ABCA8: variants seen among roughly 807,000 people sequenced by gnomAD.
ABCA8 encodes the protein ABC-type organic anion transporter ABCA8.
A neutral mutation model predicts 192.3 loss-of-function variants in ABCA8; 177 were observed. The observed-to-expected ratio is 0.92, with a 90% CI of 0.81 to 1.04. The LOEUF (loss-of-function observed/expected upper bound fraction) is 1.04, where lower values mean the gene tolerates loss of function less well. Among genes scored for constraint, ABCA8 ranks in the 50% least tolerant of loss-of-function variants. The probability of loss-of-function intolerance (pLI) is 0.00; values close to 1 mark genes in which losing one functional copy is unlikely to be tolerated. For synonymous variants in ABCA8, 642 were observed against 690.2 expected (o/e 0.93, Z 1.09); for missense variants, 1,915 against 1,904.8 (o/e 1.01, Z -0.10).
intron 24 of ABCA8, among the ~76,000 whole-genome samples, chr17:68,887,917 T>TAATATATGG (rs2066520809): frequency 2.1e-5 from 1 of 48,578 alleles, no homozygotes; most frequent in Non-Finnish European, 3.2e-5. Flanking sequence ...TCCATATATA[T>TAATATATGG]ATATATATTA....
At chr17:68,942,065 T>A in intron 2 of ABCA8, 26 bp from the exon 3 acceptor site, 1 of 1,510,834 alleles carries the variant, frequency 6.6e-7, no homozygotes, top group Non-Finnish European at 9.1e-7. Context: ...AGAAAGAAGA[T>A]AAAATTAATA....
At position 68,877,638 on chromosome 17, in the gene ABCA8, G is replaced by A; in HGVS notation, c.4080C>T (p.Phe1360=). Residue 1360 remains phenylalanine, a synonymous_variant, in exon 33 of 40, where the codon TTC becomes TTT. Coordinates refer to ENST00000586539, the MANE Select transcript of ABCA8 (RefSeq NM_001288985.2). ...KGSGGGDALE[F]LGYCPQENAL... ...CGTTCTCCTGAGGGCAGTACCCCAG[G>A]AACTCCAGGGCATCCCCTCCACCGC... 6.2e-7 allele frequency: 1 copy of A among 1,613,850 alleles called. No homozygotes were observed. Among genetic ancestry groups the A allele is most frequent in the Non-Finnish European group, 8.5e-7 (1 of 1,179,834 alleles).
rs1239069950 is a variant in ABCA8, at chr17:68,907,775, T to C, written c.2243A>G (p.Tyr748Cys). 2 of 1,607,932 alleles carry C rather than the reference T, an allele frequency of 1.2e-6. No homozygotes were observed. Among genetic ancestry groups the C allele is most frequent in the Non-Finnish European group, 1.7e-6 (2 of 1,177,516 alleles). ...LSAKSEGKLI[Y>C]TLPLERTNKF... The stretch of plus-strand genomic sequence containing the variant: ...ATTTGTTCTTTCTAAGGGTAATGTA[T>C]AAATAAGTTTTCCTTCGCTTTTGGC... The change falls in exon 18 of 40, where the codon TAT becomes TGT. Residue 748 changes from tyrosine to cysteine, a missense_variant. Physicochemically the swap from Tyr to Cys is radical, Grantham distance 194. Coordinates refer to ENST00000586539, the MANE Select transcript of ABCA8 (RefSeq NM_001288985.2).
chr17:68,877,808 G>A, intron 32 of ABCA8, 129 bp from the exon 33 acceptor site: 1 of 990,782 alleles, frequency 1.0e-6, no homozygotes, highest in Non-Finnish European at 1.4e-6. Context: ...TTAATAATCT[G>A]TAATCATTTT....
chr17:68,902,993 C>T (rs1042516749), intron 20 of ABCA8, 114 bp from the exon 21 acceptor site: 11 of 935,584 alleles, frequency 1.2e-5, no homozygotes, highest in Non-Finnish European at 1.6e-5. Context: ...ACACAATTAA[C>T]TGTCACATTT....
At chr17:68,917,560 T>C in intron 16 of ABCA8, 109 bp from the exon 17 acceptor site, 1 of 719,114 alleles carries the variant, frequency 1.4e-6, no homozygotes, top group Non-Finnish European at 2.3e-6. Context: ...CAGGAGCTTC[T>C]AAGGTTTTAA....
At chr17:68,922,213 T>TACA in intron 12 of ABCA8, 29 bp downstream of exon 12, 1 of 94,594 alleles carries the variant, frequency 1.1e-5, no homozygotes. Context: ...TTTTTTTTTT[T>TACA]TTTTTTTTTT....
chr17:68,942,182 T>C, intron 2 of ABCA8, 143 bp from the exon 3 acceptor site: 1 of 622,556 alleles, frequency 1.6e-6, no homozygotes, highest in Non-Finnish European at 2.8e-6. Flanking sequence ...CAAGTCAGCA[T>C]TGTATTACTC....
At chr17:68,920,763 G>T (rs8068633) in intron 13 of ABCA8, among the ~76,000 whole-genome samples, 70,194 of 151,618 alleles carry the variant, frequency 0.46, 17,797 homozygotes, top group Non-Finnish European at 0.58. Flanking sequence ...GACTGTAAAC[G>T]AGTTCAACCA....
chr17:68,932,264 T>C (rs2067915229), intron 7 of ABCA8, 24 bp downstream of exon 7: 3 of 1,550,278 alleles, frequency 1.9e-6, no homozygotes, highest in Non-Finnish European at 2.6e-6. Context: ...CTCCGTTTAT[T>C]TATTTGTGCT....
intron 17 of ABCA8, among the ~76,000 whole-genome samples, chr17:68,914,408 C>T (rs536924540): frequency 7.2e-5 from 11 of 152,074 alleles, no homozygotes; most frequent in Admixed American, 4.6e-4. Flanking sequence ...AAAAACTACA[C>T]CAAAATGCTA....
rs2068508578 is a variant in ABCA8 at position 68,949,464 on chromosome 17, T to C, written c.-158A>G. 1 of 152,162 alleles carries C rather than the reference T, an allele frequency of 6.6e-6. No homozygotes were observed. The highest frequency in any genetic ancestry group is 1.5e-5 in the Non-Finnish European group (1 of 68,024). 9.4% of individuals were successfully genotyped at this position (152,162 alleles called of 1,614,324 possible). On this transcript the variant is annotated 5_prime_UTR_variant, in exon 2 of 40. Coordinates refer to ENST00000586539, the MANE Select transcript of ABCA8 (RefSeq NM_001288985.2). ...CATTATGAGGCCAACATCATCCTGC[T>C]ACCAAAACCTGGCAGAGACACAACA...
chr17:68,927,393 G>A (rs536054523), intron 10 of ABCA8, among the ~76,000 whole-genome samples: 14 of 152,292 alleles, frequency 9.2e-5, no homozygotes, highest in African/African-American at 3.4e-4. Context: ...GTTGCAAGGT[G>A]ATACAAATGA....
Position 68,927,904 on chromosome 17 carries a change from A to G in ABCA8, c.1273+12T>C, listed in dbSNP as rs776852564. The G allele has an allele frequency of 3.8e-6, 6 of 1,574,426 alleles. No individual in the cohort carries two copies. In the South Asian group the frequency reaches 7.0e-5, roughly 18 times the overall value. On this transcript the variant is annotated intron_variant, in intron 10 of 39. Transcript: ENST00000586539. ...TTAAATGATATATGATTTTAATCAT[A>G]TCATTACTCACTTGGCAAAATTTTT... is the stretch of plus-strand genomic sequence containing the variant.
At chr17:68,927,210 A>G (rs375197172) in intron 10 of ABCA8, among the ~76,000 whole-genome samples, 1 of 152,104 alleles carries the variant, frequency 6.6e-6, no homozygotes, top group Non-Finnish European at 1.5e-5. Context: ...GTGAGCCGAG[A>G]TTGTGCCACT....
rs1290202195 is a variant in ABCA8 at position 68,907,782 on chromosome 17, G to A, written c.2236C>T (p.Leu746Phe). 1.2e-6 allele frequency: 2 copies of A among 1,606,732 alleles called. No homozygotes were observed. The highest frequency in any genetic ancestry group is 1.3e-5 in the African/African-American group (1 of 74,556). ...AKLSAKSEGK[L>F]IYTLPLERTN... ...CTTTCTAAGGGTAATGTATAAATAA[G>A]TTTTCCTTCGCTTTTGGCTGATAAT... Residue 746 changes from leucine (L) to phenylalanine (F), a missense_variant, in exon 18 of 40, where the codon CTT becomes TTT. By Grantham distance (22) the Leu-to-Phe change is conservative (BLOSUM62 0). Transcript: ENST00000586539.
At chr17:68,938,247 T>C (rs2068126065) in intron 4 of ABCA8, among the ~76,000 whole-genome samples, 1 of 151,840 alleles carries the variant, frequency 6.6e-6, no homozygotes. Flanking sequence ...TTGGAAAGCA[T>C]ATTTTGGATA....
At position 68,930,840 on chromosome 17, in the gene ABCA8, T is replaced by C. The variant is rs546287670; in HGVS notation, c.798-1138A>G. On this transcript the variant is annotated intron_variant, in intron 7 of 39. Transcript: ENST00000586539. ...GAAGGAACTCTTCCAGACTCCTAAT[T>C]TGTTGCCCTATGCACAGCCCATCTG... 1.1e-3 allele frequency among the ~76,000 whole-genome samples: 169 copies of C among 152,302 alleles called. 3 individuals carry two copies. Among genetic ancestry groups the C allele is most frequent in the Admixed American group, 3.9e-4 (6 of 15,288 alleles).
intron 25 of ABCA8, 88 bp from the exon 26 acceptor site, chr17:68,887,218 A>G (rs1043210353): frequency 1.5e-6 from 2 of 1,355,180 alleles, no homozygotes; most frequent in African/African-American, 3.0e-5. Context: ...ATAGCCCAGG[A>G]TTTTATAGTT....
Sources: allele counts gnomAD v4.1 joint callset (sites outside exome capture counted in the v4.1 genomes callset), GRCh38; gene constraint gnomAD v4.1.1; transcripts MANE v1.5; gene names NCBI Gene and HGNC (gene_info 2026-07-23, HGNC 2026-07-21).